Variants in GRIA2 observed in about 807,000 individuals in gnomAD.
GRIA2 encodes glutamate ionotropic receptor AMPA type subunit 2, also known as glutamate receptor 2.
GRIA2 carries 14 observed loss-of-function variants against 97.3 expected under a neutral mutation model. The ratio of observed to expected loss-of-function variants is 0.14; its 90% CI spans 0.10 to 0.23. The LOEUF (loss-of-function observed/expected upper bound fraction) is 0.23. GRIA2 is among the 10% of genes least tolerant of loss of function. The pLI is 1.00. For missense variants in GRIA2, 558 were observed against 1,069.8 expected (o/e 0.52, Z 6.67); for synonymous variants, 412 against 387.8 (o/e 1.06, Z -0.73).
chr4:157,229,276 C>T (rs1313084575), intron 2 of GRIA2, among the ~76,000 whole-genome samples: 1 of 151,972 alleles, frequency 6.6e-6, no homozygotes, highest in Non-Finnish European at 1.5e-5. Context: ...TTTGTTTTGT[C>T]TTATTTTCAT....
At chr4:157,309,825 G>T (rs1200284544) in intron 3 of GRIA2, among the ~76,000 whole-genome samples, 3 of 151,972 alleles carry the variant, frequency 2.0e-5, no homozygotes, top group Non-Finnish European at 4.4e-5. Context: ...GTATTATATA[G>T]TATGCTTTAT....
rs1196059624 is a variant in GRIA2, at chr4:157,365,547, A to G, written c.*2116A>G. 1.3e-5 allele frequency: 2 copies of G among 152,042 alleles called. No homozygotes were observed. Among genetic ancestry groups the G allele is most frequent in the Non-Finnish European group, 3.0e-5 (2 of 67,630 alleles). 9.4% of individuals were successfully genotyped at this position (152,042 alleles called of 1,614,324 possible). On this transcript the variant is annotated 3_prime_UTR_variant, in exon 16 of 16. Transcript: ENST00000264426. ...TGTAAAGTTATATTTTCATGTTTTT[A>G]TAGATACAACATGACAAGAATACAT...
rs79163474 is a variant in GRIA2, at chr4:157,221,668, G to C, written c.90G>C (p.Gly30=). ...TTGCTTGCTGTTTGTTCTTTGCAGG[G>C]GGGCTATTTCCTAGGGGCGCCGATC... ...FGVSSNSIQI[G]GLFPRGADQE... The change falls in exon 2 of 16, where the codon GGG becomes GGC. Residue 30 remains glycine (G), a splice_region_variant and synonymous_variant. Transcript: ENST00000264426. 1 of 1,614,030 alleles carries C rather than the reference G, an allele frequency of 6.2e-7. No homozygotes were observed. Among genetic ancestry groups the C allele is most frequent in the Non-Finnish European group, 8.5e-7 (1 of 1,179,932 alleles).
intron 2 of GRIA2, among the ~76,000 whole-genome samples, chr4:157,269,291 A>C (rs1021380587): frequency 2.6e-5 from 4 of 152,064 alleles, no homozygotes; most frequent in African/African-American, 9.7e-5. Context: ...ACCCGAAAAC[A>C]CTGGAATGAC....
At chr4:157,247,584 A>G (rs971515000) in intron 2 of GRIA2, among the ~76,000 whole-genome samples, 36 of 152,130 alleles carry the variant, frequency 2.4e-4, no homozygotes, top group Admixed American at 2.4e-3. Flanking sequence ...CTGAGACCTG[A>G]GCCACGAAGG....
intron 12 of GRIA2, among the ~76,000 whole-genome samples, chr4:157,350,516 G>A (rs1054258095): frequency 6.6e-6 from 1 of 151,186 alleles, no homozygotes; most frequent in Admixed American, 6.6e-5. Flanking sequence ...TAAGATTTCA[G>A]ACCACAATTT....
At chr4:157,319,382 A>G (rs1412588674) in intron 5 of GRIA2, among the ~76,000 whole-genome samples, 3 of 152,364 alleles carry the variant, frequency 2.0e-5, no homozygotes, top group East Asian at 1.9e-4. Flanking sequence ...TGCTATTAAA[A>G]TGAAAATAAG....
At chr4:157,261,233 C>A (rs765713611) in intron 2 of GRIA2, among the ~76,000 whole-genome samples, 5 of 152,018 alleles carry the variant, frequency 3.3e-5, no homozygotes, top group Non-Finnish European at 7.4e-5. Context: ...ATAAAGTTGA[C>A]ACATAATTTT....
chr4:157,319,298 A>T (rs539503179), intron 5 of GRIA2, among the ~76,000 whole-genome samples: 1 of 152,178 alleles, frequency 6.6e-6, no homozygotes, highest in Non-Finnish European at 1.5e-5. Flanking sequence ...AAATGTACAG[A>T]TGGAGAAGAT....
At chr4:157,277,856 A>ATATATATGTATATATGTATATATATG (rs1560743302) in intron 2 of GRIA2, among the ~76,000 whole-genome samples, 7 of 143,446 alleles carry the variant, frequency 4.9e-5, no homozygotes, top group African/African-American at 1.1e-4. Flanking sequence ...GTATATATGT[A>ATATATATGTATATATGTATATATATG]TATATATGTA....
At chr4:157,318,085 A>C (rs1003762253) in intron 5 of GRIA2, among the ~76,000 whole-genome samples, 28 of 152,108 alleles carry the variant, frequency 1.8e-4, no homozygotes, top group African/African-American at 6.0e-4. Context: ...TCAATTTCTT[A>C]TTATTATAAA....
intron 12 of GRIA2, among the ~76,000 whole-genome samples, chr4:157,348,498 C>A (rs888784763): frequency 6.6e-6 from 1 of 152,082 alleles, no homozygotes; most frequent in East Asian, 1.9e-4. Context: ...CCCGGCCTCC[C>A]AGAATGCAGG....
intron 2 of GRIA2, among the ~76,000 whole-genome samples, chr4:157,282,414 T>C (rs192879969): frequency 2.9e-4 from 44 of 152,242 alleles, no homozygotes; most frequent in Admixed American, 2.4e-3. Flanking sequence ...AAGGAGAGTC[T>C]TTAGAAGGAA....
chr4:157,307,367 A>ATAGCAGCATCTTTGTT (rs1733888837), intron 3 of GRIA2, among the ~76,000 whole-genome samples: 1 of 152,198 alleles, frequency 6.6e-6, no homozygotes, highest in Non-Finnish European at 1.5e-5. Context: ...ACATCTTTGT[A>ATAGCAGCATCTTTGTT]TAGCAGCATC....
intron 2 of GRIA2, among the ~76,000 whole-genome samples, chr4:157,260,572 T>C (rs2126766672): frequency 6.6e-6 from 1 of 152,200 alleles, no homozygotes; most frequent in East Asian, 1.9e-4. Context: ...AATTTCCATA[T>C]ATCACTTTCT....
At chr4:157,348,007 T>A (rs1214967326) in intron 12 of GRIA2, among the ~76,000 whole-genome samples, 1 of 151,682 alleles carries the variant, frequency 6.6e-6, no homozygotes, top group East Asian at 2.0e-4. Context: ...GCCCAGCTAC[T>A]CGGGAGGCTG....
intron 5 of GRIA2, 25 bp downstream of exon 5, chr4:157,317,736 T>G: frequency 1.1e-6 from 1 of 920,550 alleles, no homozygotes; most frequent in Non-Finnish European, 1.8e-6. Flanking sequence ...TGGTATATAT[T>G]ATTTTACTAG....
intron 11 of GRIA2, among the ~76,000 whole-genome samples, chr4:157,340,001 T>G (rs1735478840): frequency 6.6e-6 from 1 of 151,946 alleles, no homozygotes; most frequent in African/African-American, 2.4e-5. Context: ...TATTTCTTGC[T>G]ATTTTTCTCT....
intron 2 of GRIA2, among the ~76,000 whole-genome samples, chr4:157,264,609 C>G (rs1437531887): frequency 2.0e-5 from 3 of 152,022 alleles, no homozygotes; most frequent in Non-Finnish European, 4.4e-5. Context: ...AGCATATTCA[C>G]AGGTTTTGGG....
Sources: allele counts gnomAD v4.1 joint callset (sites outside exome capture counted in the v4.1 genomes callset), GRCh38; gene constraint gnomAD v4.1.1; transcripts MANE v1.5; gene names NCBI Gene and HGNC (gene_info 2026-07-23, HGNC 2026-07-21).